EXOC4: variants seen among roughly 807,000 people sequenced by gnomAD.
EXOC4 encodes exocyst complex component 4, also known as SEC8-like 1.
In EXOC4, 71 loss-of-function variants were observed where a neutral mutation model predicts 107.2. The observed-to-expected ratio is 0.66, with a 90% CI of 0.55 to 0.81. The LOEUF is 0.81. EXOC4 is among the 30% of genes least tolerant of loss of function. The probability of loss-of-function intolerance (pLI) is 0.00; values close to 1 mark genes in which losing one functional copy is unlikely to be tolerated. For synonymous variants in EXOC4, 456 were observed against 441.2 expected, an observed-to-expected ratio of 1.03 and a Z score of -0.42; for missense variants, 1,108 against 1,189.6, an observed-to-expected ratio of 0.93 and a Z score of 1.01.
chr7:133,831,477 T>G (rs1037769640), intron 11 of EXOC4, among the ~76,000 whole-genome samples: 1 of 152,188 alleles, frequency 6.6e-6, no homozygotes, highest in African/African-American at 2.4e-5. Context: ...ATCCACTTTA[T>G]TTTGCTGCTG....
chr7:133,896,674 A>G (rs938975982), intron 12 of EXOC4, among the ~76,000 whole-genome samples: 23 of 149,000 alleles, frequency 1.5e-4, no homozygotes, highest in Admixed American at 1.5e-3. Flanking sequence ...TTATTTATTC[A>G]TTTATTTTTT....
intron 7 of EXOC4, among the ~76,000 whole-genome samples, chr7:133,431,633 T>C (rs1797858525): frequency 6.6e-6 from 1 of 152,224 alleles, no homozygotes; most frequent in Admixed American, 6.5e-5. Context: ...AATATATGTG[T>C]AAATTAAATG....
intron 9 of EXOC4, among the ~76,000 whole-genome samples, chr7:133,601,559 C>G (rs1357240396): frequency 2.6e-5 from 4 of 152,108 alleles, no homozygotes; most frequent in Admixed American, 2.0e-4. Flanking sequence ...CCAGCCTCTC[C>G]CTCCCCATCT....
chr7:133,383,247 A>G (rs1233380768), intron 7 of EXOC4, among the ~76,000 whole-genome samples: 1 of 152,126 alleles, frequency 6.6e-6, no homozygotes, highest in East Asian at 1.9e-4. Context: ...CATCCTCCAG[A>G]CGTTATGATT....
intron 9 of EXOC4, among the ~76,000 whole-genome samples, chr7:133,593,562 C>A (rs908428429): frequency 6.6e-6 from 1 of 152,146 alleles, no homozygotes; most frequent in Non-Finnish European, 1.5e-5. Flanking sequence ...GTTGTCAGAT[C>A]TATATGGTGA....
intron 15 of EXOC4, among the ~76,000 whole-genome samples, chr7:133,998,188 T>G (rs946767202): frequency 1.3e-5 from 2 of 152,160 alleles, no homozygotes; most frequent in African/African-American, 2.4e-5. Flanking sequence ...AAAACAGCAT[T>G]TCAATAGGCA....
intron 17 of EXOC4, among the ~76,000 whole-genome samples, chr7:134,055,044 T>G (rs540788939): frequency 2.6e-4 from 40 of 152,366 alleles, no homozygotes; most frequent in African/African-American, 9.1e-4. Flanking sequence ...TAATACACCC[T>G]CAAGTGTTTG....
chr7:133,681,960 G>A (rs1463386901), intron 10 of EXOC4, among the ~76,000 whole-genome samples: 1 of 152,124 alleles, frequency 6.6e-6, no homozygotes, highest in Non-Finnish European at 1.5e-5. Flanking sequence ...ATGGAGTGCA[G>A]TGGCATGATC....
At chr7:133,624,555 C>T (rs890444761) in intron 9 of EXOC4, among the ~76,000 whole-genome samples, 1 of 152,132 alleles carries the variant, frequency 6.6e-6, no homozygotes, top group Non-Finnish European at 1.5e-5. Context: ...TGCACTCCAG[C>T]CTAGGCAACA....
chr7:133,338,748 CTTTTT>C (rs67620822), intron 5 of EXOC4, among the ~76,000 whole-genome samples: 2 of 87,042 alleles, frequency 2.3e-5, no homozygotes, highest in Non-Finnish European at 4.6e-5. Context: ...ATGGTGTAGT[CTTTTT>C]TTTTTTTTTT....
chr7:133,971,818 CTG>C (rs1289330719), intron 14 of EXOC4, among the ~76,000 whole-genome samples: 2 of 152,208 alleles, frequency 1.3e-5, no homozygotes, highest in African/African-American at 4.8e-5. Context: ...GCAGTCTGCA[CTG>C]TCTCTCCATC....
chr7:133,682,788 T>A (rs1195685342), intron 10 of EXOC4, among the ~76,000 whole-genome samples: 2 of 152,154 alleles, frequency 1.3e-5, no homozygotes, highest in Admixed American at 1.3e-4. Context: ...TACCACCACA[T>A]AGAGTTTGAG....
intron 9 of EXOC4, among the ~76,000 whole-genome samples, chr7:133,496,311 G>C (rs984236966): frequency 1.3e-5 from 2 of 151,946 alleles, no homozygotes; most frequent in Non-Finnish European, 2.9e-5. Context: ...GTGCACCACC[G>C]CATGCACCAT....
At chr7:133,746,174 A>G (rs954227863) in intron 10 of EXOC4, among the ~76,000 whole-genome samples, 1 of 151,982 alleles carries the variant, frequency 6.6e-6, no homozygotes, top group Non-Finnish European at 1.5e-5. Flanking sequence ...GCCTTTATTT[A>G]TTTTAACTTT....
At chr7:133,763,803 C>G (rs574470154) in intron 10 of EXOC4, among the ~76,000 whole-genome samples, 3 of 151,232 alleles carry the variant, frequency 2.0e-5, no homozygotes, top group Non-Finnish European at 4.4e-5. Flanking sequence ...GGGAAACTTG[C>G]GGAAAGGACT....
chr7:133,568,539 G>A (rs1319370477), intron 9 of EXOC4, among the ~76,000 whole-genome samples: 1 of 152,118 alleles, frequency 6.6e-6, no homozygotes, highest in African/African-American at 2.4e-5. Flanking sequence ...CATAGGTTAT[G>A]AGGAAATCAT....
chr7:133,756,030 AAC>A (rs1795909400), intron 10 of EXOC4, among the ~76,000 whole-genome samples: 1 of 152,212 alleles, frequency 6.6e-6, no homozygotes, highest in South Asian at 2.1e-4. Context: ...ATCCCAACAT[AAC>A]TTCTTTTAGT....
At position 134,000,178 on chromosome 7, in the gene EXOC4, A is replaced by G. The variant is rs796138015; in HGVS notation, c.2348+2545A>G. Among the ~76,000 whole-genome samples the G allele has an allele frequency of 6.6e-5, 10 of 152,264 alleles. 1 individual carries two copies. The highest frequency in any genetic ancestry group is 2.4e-4 in the African/African-American group (10 of 41,562). ...GCTCCATTTTGTCTTTGTTCCTTTT[A>G]AAGTAAGGTAGATACAACTAGCAGA... On this transcript the variant is annotated intron_variant, in intron 15 of 17. Coordinates refer to ENST00000253861, the MANE Select transcript of EXOC4 (RefSeq NM_021807.4).
At chr7:134,097,000 T>A in the EXOC4 span, among the ~76,000 whole-genome samples, 1 of 151,862 alleles carries the variant, frequency 6.6e-6, no homozygotes. Context: ...ACCACCACCA[T>A]TTTTTTACAG....
Sources: allele counts gnomAD v4.1 joint callset (sites outside exome capture counted in the v4.1 genomes callset), GRCh38; gene constraint gnomAD v4.1.1; transcripts MANE v1.5; gene names NCBI Gene and HGNC (gene_info 2026-07-23, HGNC 2026-07-21).